Variants in TBC1D19 observed in about 807,000 individuals in gnomAD.
The protein encoded by TBC1D19 is TBC1 domain family member 19, also known as TBC1 domain family, member 19.
In TBC1D19, 60 loss-of-function variants were observed where a neutral mutation model predicts 89.0. That is an observed-to-expected ratio of 0.67 (90% confidence interval 0.55 to 0.84). The LOEUF (loss-of-function observed/expected upper bound fraction) is 0.84. TBC1D19 is among the 40% of genes least tolerant of loss of function. The pLI, the probability that TBC1D19 is intolerant of heterozygous loss-of-function variation, is 0.00. For missense variants in TBC1D19, 500 were observed against 610.8 expected, an observed-to-expected ratio of 0.82 and a Z score of 1.91; for synonymous variants, 189 against 199.7, an observed-to-expected ratio of 0.95 and a Z score of 0.45.
chr4:26,728,220 G>T (rs1044966643), intron 15 of TBC1D19, among the ~76,000 whole-genome samples: 2 of 152,204 alleles, frequency 1.3e-5, no homozygotes, highest in Non-Finnish European at 2.9e-5. Context: ...TTTCTGCAGT[G>T]CAGTGGCTTA....
At chr4:26,753,423 A>T (rs1719088651) in intron 19 of TBC1D19, among the ~76,000 whole-genome samples, 1 of 152,196 alleles carries the variant, frequency 6.6e-6, no homozygotes, top group Admixed American at 6.5e-5. Flanking sequence ...TGAGCACAGG[A>T]ATTCAAGACC....
At chr4:26,623,160 T>TA (rs1437065573) in intron 4 of TBC1D19, among the ~76,000 whole-genome samples, 1 of 152,172 alleles carries the variant, frequency 6.6e-6, no homozygotes, top group South Asian at 2.1e-4. Flanking sequence ...TGTTCTTCCT[T>TA]ACGTTTCATA....
the TBC1D19 span, among the ~76,000 whole-genome samples, chr4:26,802,752 G>A: frequency 0.096 from 14,550 of 152,172 alleles, 2,064 homozygotes; most frequent in African/African-American, 0.31. Context: ...ATATTAACAC[G>A]GAGAAAAATT....
At chr4:26,607,000 C>G (rs997028864) in intron 1 of TBC1D19, among the ~76,000 whole-genome samples, 9 of 152,104 alleles carry the variant, frequency 5.9e-5, no homozygotes, top group African/African-American at 2.2e-4. Flanking sequence ...GTACTTTGGA[C>G]TAAGACTATT....
At chr4:26,590,796 G>GTTTTTTTTTTTTGTTTTTTTTTTTT (rs1739724314) in intron 1 of TBC1D19, among the ~76,000 whole-genome samples, 2 of 52,958 alleles carry the variant, frequency 3.8e-5, no homozygotes, top group African/African-American at 8.3e-5. Flanking sequence ...TTGCAGGTCT[G>GTTTTTTTTTTTTGTTTTTTTTTTTT]TTTTTTTTTT....
In TBC1D19 at chr4:26,747,718, T is replaced by C. The variant is rs202005941; in HGVS notation, c.1320-693T>C. On this transcript the variant is annotated intron_variant, in intron 18 of 20. Coordinates refer to ENST00000264866, the MANE Select transcript of TBC1D19 (RefSeq NM_018317.4). ...CACCAGAGCCAAAGAGTTCATTTCC[T>C]GATTTCAGAGATAAATTGTTATTGT... Among the ~76,000 whole-genome samples the C allele has an allele frequency of 2.6e-5, 4 of 152,354 alleles. No individual in the cohort carries two copies. In the East Asian group the frequency reaches 5.8e-4, roughly 22 times the overall value.
intron 17 of TBC1D19, among the ~76,000 whole-genome samples, 159 bp downstream of exon 17, chr4:26,740,132 A>T (rs1307772328): frequency 6.6e-6 from 1 of 152,226 alleles, no homozygotes. Context: ...AGAAGATGAA[A>T]TTGATATTTA....
intron 15 of TBC1D19, among the ~76,000 whole-genome samples, chr4:26,730,588 A>G (rs548833720): frequency 9.4e-4 from 143 of 152,260 alleles, no homozygotes; most frequent in Middle Eastern, 3.4e-3. Context: ...AGTCTACTCT[A>G]TTTTCTTTCC....
chr4:26,637,342 A>G, intron 5 of TBC1D19, 57 bp downstream of exon 5: 1 of 1,314,254 alleles, frequency 7.6e-7, no homozygotes, highest in Non-Finnish European at 1.1e-6. Context: ...TACAGAAAGT[A>G]TCATGAAGTT....
chr4:26,850,063 T>C, the TBC1D19 span, among the ~76,000 whole-genome samples: 1 of 152,108 alleles, frequency 6.6e-6, no homozygotes, highest in Non-Finnish European at 1.5e-5. Context: ...TTTAGGTTTA[T>C]TGCTTTACTT....
the TBC1D19 span, among the ~76,000 whole-genome samples, chr4:26,827,816 G>A: frequency 4.8e-3 from 723 of 152,058 alleles, 3 homozygotes; most frequent in Non-Finnish European, 7.1e-3. Flanking sequence ...GAACTCCTGG[G>A]CTCAAGCAAT....
At chr4:26,797,139 GCTC>G in the TBC1D19 span, among the ~76,000 whole-genome samples, 2 of 152,012 alleles carry the variant, frequency 1.3e-5, no homozygotes, top group Non-Finnish European at 2.9e-5. Context: ...AACTCTAAAG[GCTC>G]CTCTGAAAGA....
chr4:26,656,240 A>G (rs1264403252), intron 7 of TBC1D19, among the ~76,000 whole-genome samples: 2 of 152,132 alleles, frequency 1.3e-5, no homozygotes, highest in East Asian at 3.8e-4. Flanking sequence ...AAAATAACAC[A>G]CAATGTTATT....
chr4:26,666,928 G>A (rs1317962469), intron 9 of TBC1D19, among the ~76,000 whole-genome samples: 2 of 151,772 alleles, frequency 1.3e-5, no homozygotes, highest in South Asian at 2.1e-4. Context: ...TGGGAGCCCC[G>A]TATTGTAGTG....
intron 7 of TBC1D19, among the ~76,000 whole-genome samples, chr4:26,657,110 A>C (rs1244815665): frequency 7.0e-6 from 1 of 143,522 alleles, no homozygotes; most frequent in Non-Finnish European, 1.5e-5. Flanking sequence ...TTTTACTTTA[A>C]GTTCTGGGGT....
the TBC1D19 span, among the ~76,000 whole-genome samples, chr4:26,821,493 T>C: frequency 6.6e-6 from 1 of 152,260 alleles, no homozygotes; most frequent in Non-Finnish European, 1.5e-5. Flanking sequence ...TTAACAGGTT[T>C]TGTAGTACTC....
chr4:26,767,534 G>GT, the TBC1D19 span, among the ~76,000 whole-genome samples: 1 of 152,094 alleles, frequency 6.6e-6, no homozygotes, highest in Non-Finnish European at 1.5e-5. Context: ...ATGATGGAAC[G>GT]TAGCTCTCTC....
rs573029265 is a variant in TBC1D19, at chr4:26,588,024, C to CTTTTT, written c.99+3747_99+3751dup. ...CCTTCCTTATACTGTCATATGTGTT[C>CTTTTT]TTTTTTTTTTTTTTTTTTTGAGGTG... On this transcript the variant is annotated intron_variant, in intron 1 of 20. Transcript: ENST00000264866. Among the ~76,000 whole-genome samples the CTTTTT allele has an allele frequency of 2.2e-3, 259 of 119,274 alleles. 3 individuals are homozygous for CTTTTT. The highest frequency in any genetic ancestry group is 7.9e-3 in the African/African-American group (241 of 30,532). 78.2% of individuals were successfully genotyped at this position (119,274 alleles called of 152,430 possible). A position where few individuals can be genotyped will look rare whatever the true frequency, so the allele number is the denominator to read the frequency against.
At chr4:26,735,911 G>T (rs529662700) in intron 16 of TBC1D19, among the ~76,000 whole-genome samples, 38 of 150,738 alleles carry the variant, frequency 2.5e-4, no homozygotes, top group African/African-American at 9.2e-4. Flanking sequence ...TGCTGGAGAG[G>T]ATGTGGAGAA....
Sources: allele counts gnomAD v4.1 joint callset (sites outside exome capture counted in the v4.1 genomes callset), GRCh38; gene constraint gnomAD v4.1.1; transcripts MANE v1.5; gene names NCBI Gene and HGNC (gene_info 2026-07-23, HGNC 2026-07-21).